DDX60: variants seen among roughly 807,000 people sequenced by gnomAD.
DDX60 encodes DExD/H-box helicase 60.
DDX60 carries 165 observed loss-of-function variants against 212.8 expected under a neutral mutation model. The observed-to-expected ratio is 0.78, with a 90% CI of 0.68 to 0.88. The LOEUF is 0.88. Ranked by LOEUF, DDX60 falls within the 40% of genes least tolerant of loss-of-function variation. The pLI is 0.00. For synonymous variants in DDX60, 703 were observed against 685.3 expected, an observed-to-expected ratio of 1.03 and a Z score of -0.40; for missense variants, 1,905 against 2,003.9, an observed-to-expected ratio of 0.95 and a Z score of 0.94.
At chr4:168,319,015 A>G (rs1432273930), upstream of DDX60, among the ~76,000 whole-genome samples, 1 of 152,230 alleles carries the variant, frequency 6.6e-6, no homozygotes, top group African/African-American at 2.4e-5. Context: ...ATAGTTAACA[A>G]TAATGCATAT....
chr4:168,242,996 T>C (rs1301591118), intron 30 of DDX60, among the ~76,000 whole-genome samples: 2 of 152,164 alleles, frequency 1.3e-5, no homozygotes, highest in Non-Finnish European at 2.9e-5. Flanking sequence ...ATAAGTATTA[T>C]GAGATCTGAT....
intron 6 of DDX60, among the ~76,000 whole-genome samples, chr4:168,295,951 C>T (rs1008749145): frequency 2.0e-5 from 3 of 152,038 alleles, no homozygotes; most frequent in Middle Eastern, 6.8e-3. Context: ...TAGAATCTAA[C>T]GAAGTTGAAC....
At chr4:168,258,550 G>T (rs956702370) in intron 25 of DDX60, among the ~76,000 whole-genome samples, 4 of 152,084 alleles carry the variant, frequency 2.6e-5, no homozygotes, top group Non-Finnish European at 5.9e-5. Context: ...TTGATGATCT[G>T]GGATCAAATT....
chr4:168,301,917 T>C (rs1277082574), intron 6 of DDX60, among the ~76,000 whole-genome samples: 1 of 152,230 alleles, frequency 6.6e-6, no homozygotes, highest in Non-Finnish European at 1.5e-5. Flanking sequence ...TGGCCAAAGA[T>C]GTATAACCTC....
upstream of DDX60, among the ~76,000 whole-genome samples, chr4:168,320,838 G>A (rs1197230949): frequency 6.6e-6 from 1 of 152,016 alleles, no homozygotes; most frequent in African/African-American, 2.4e-5. Context: ...AAGCTTCGAG[G>A]GATAAAACAG....
At chr4:168,290,328 CTTTTTTTTTT>C (rs547452038) in intron 8 of DDX60, among the ~76,000 whole-genome samples, 1 of 124,260 alleles carries the variant, frequency 8.0e-6, no homozygotes, top group African/African-American at 3.2e-5. Flanking sequence ...CTTTTCTTTT[CTTTTTTTTTT>C]TTTTTTTTGA....
intron 1 of DDX60, among the ~76,000 whole-genome samples, chr4:168,316,143 A>G (rs1037521474): frequency 7.2e-5 from 11 of 152,214 alleles, no homozygotes; most frequent in African/African-American, 2.7e-4. Context: ...AGTTAAAGGA[A>G]GCTATAAAGA....
chr4:168,276,212 T>C (rs202172755), intron 14 of DDX60, 31 bp from the exon 15 acceptor site: 118 of 1,525,492 alleles, frequency 7.7e-5, no homozygotes, highest in Non-Finnish European at 9.6e-5. Context: ...AAAATTGTTA[T>C]AAAGACCATC....
Position 168,224,399 on chromosome 4 carries a change from TTAG to T in DDX60, c.4682-17_4682-15del. The T allele has an allele frequency of 6.2e-7, 1 of 1,609,964 alleles. No homozygotes were observed. Among genetic ancestry groups the T allele is most frequent in the Non-Finnish European group, 8.5e-7 (1 of 1,177,220 alleles). On this transcript the variant is annotated splice_polypyrimidine_tract_variant and intron_variant, in intron 34 of 37. Coordinates refer to ENST00000393743, the MANE Select transcript of DDX60 (RefSeq NM_017631.6). Reference sequence around the variant, plus strand: ...TACCTGTGAATTCTGACAATAATAGTTAGGGATAGATTAGTGTTTTGAACTCAG... The same window carrying T: ...TACCTGTGAATTCTGACAATAATAGTGGATAGATTAGTGTTTTGAACTCAG...
chr4:168,220,367 A>G (rs530921930), intron 37 of DDX60, among the ~76,000 whole-genome samples: 2 of 152,306 alleles, frequency 1.3e-5, no homozygotes, highest in Non-Finnish European at 1.5e-5. Context: ...CGAGGAGTCA[A>G]TGAAGCTTTT....
In DDX60 at chr4:168,268,856, G is replaced by A. The variant is rs145361158; in HGVS notation, c.2784C>T (p.Thr928=). Residue 928 remains threonine (T), a splice_region_variant and synonymous_variant, in exon 20 of 38, where the codon ACC becomes ACT. Transcript: ENST00000393743. ...CCAAATTGAAACTTAATGCCTACTC[G>A]GTGAGATGTTCAGGATTACTTATGG... ...SATISNPEHL[T]EWLQSVKWYW... is the part of the protein sequence containing the mutation. 6.9e-5 allele frequency: 104 copies of A among 1,514,832 alleles called. No individual in the cohort carries two copies. The highest frequency in any genetic ancestry group is 7.9e-5 in the Non-Finnish European group (88 of 1,112,942). The allele number at this position is 1,514,832 out of a possible 1,614,324, so 93.8% of individuals were successfully genotyped here. A position where few individuals can be genotyped will look rare whatever the true frequency, so the allele number is the denominator to read the frequency against.
Position 168,302,416 on chromosome 4 carries a change from T to G in DDX60, c.607A>C (p.Asn203His). 1 of 1,394,824 alleles carries G rather than the reference T, an allele frequency of 7.2e-7. No homozygotes were observed. 86.4% of individuals were successfully genotyped at this position (1,394,824 alleles called of 1,614,324 possible). Residue 203 changes from asparagine (N) to histidine (H), a missense_variant and splice_region_variant, in exon 6 of 38, where the codon AAT (asparagine) becomes CAT (histidine). Asn to His is a moderately conservative substitution (Grantham distance 68). Coordinates refer to ENST00000393743, the MANE Select transcript of DDX60 (RefSeq NM_017631.6). ...MYRHQIFSWK[N>H]KQNIKDAYTT... ...TAAGCATCTTTAATGTTCTGCTTAT[T>G]CTGTAAAATAAAGAAAAATCAGAAA... is the stretch of plus-strand genomic sequence containing the variant.
At chr4:168,324,407 G>A in the DDX60 span, among the ~76,000 whole-genome samples, 1 of 152,188 alleles carries the variant, frequency 6.6e-6, no homozygotes, top group Non-Finnish European at 1.5e-5. Flanking sequence ...AGAAGAGGTT[G>A]TTAAAGCCTC....
At chr4:168,310,218 A>G (rs1310413848) in intron 3 of DDX60, among the ~76,000 whole-genome samples, 1 of 152,062 alleles carries the variant, frequency 6.6e-6, no homozygotes, top group African/African-American at 2.4e-5. Context: ...CCCCAAACAA[A>G]ATGTCTTTAA....
intron 30 of DDX60, among the ~76,000 whole-genome samples, chr4:168,238,236 CAA>C (rs57638327): frequency 0.048 from 3,864 of 80,938 alleles, 154 homozygotes; most frequent in African/African-American, 0.15. Context: ...TATGAAATTC[CAA>C]AAAAAAAAAA....
intron 35 of DDX60, 40 bp from the exon 36 acceptor site, chr4:168,221,921 T>G (rs758768897): frequency 6.4e-7 from 1 of 1,568,520 alleles, no homozygotes; most frequent in Non-Finnish European, 8.7e-7. Context: ...TATTTATGTA[T>G]AAAGAAAGTT....
At chr4:168,221,670 T>G in intron 36 of DDX60, 60 bp downstream of exon 36, 1 of 1,489,742 alleles carries the variant, frequency 6.7e-7, no homozygotes, top group Non-Finnish European at 9.0e-7. Flanking sequence ...TTCATTAAAT[T>G]AATTCATTAG....
chr4:168,237,655 T>C, intron 31 of DDX60, 36 bp downstream of exon 31: 2 of 1,531,960 alleles, frequency 1.3e-6, no homozygotes, highest in Non-Finnish European at 1.8e-6. Flanking sequence ...ATAGTAGTAA[T>C]GCTATTTCCC....
At chr4:168,220,853 C>A (rs947749717) in intron 36 of DDX60, 136 bp from the exon 37 acceptor site, 15 of 434,624 alleles carry the variant, frequency 3.5e-5, no homozygotes, top group Non-Finnish European at 6.1e-5. Flanking sequence ...ATTTCTGCCA[C>A]AGACTCCTAG....
Sources: gnomAD v4.1 joint callset for allele counts (sites outside exome capture counted in the v4.1 genomes callset) on GRCh38, gnomAD v4.1.1 for gene constraint, MANE v1.5 for transcripts, NCBI Gene and HGNC (gene_info 2026-07-23, HGNC 2026-07-21) for gene names.